The following RBFOX1 variants were observed in gnomAD, a reference collection of about 807,000 sequenced individuals.
RBFOX1 encodes the protein RNA binding protein fox-1 homolog 1.
RBFOX1 carries 8 observed loss-of-function variants against 57.7 expected under a neutral mutation model. The observed-to-expected ratio is 0.14, with a 90% CI of 0.08 to 0.25. The LOEUF (loss-of-function observed/expected upper bound fraction) is 0.25, where lower values mean the gene tolerates loss of function less well. RBFOX1 is among the 10% of genes least tolerant of loss of function. The pLI is 1.00. For synonymous variants in RBFOX1, 326 were observed against 222.4 expected, an observed-to-expected ratio of 1.47 and a Z score of -4.15; for missense variants, 611 against 548.5, an observed-to-expected ratio of 1.11 and a Z score of -1.14.
chr16:6,525,390 C>G (rs901011631), intron 2 of RBFOX1, among the ~76,000 whole-genome samples: 2 of 152,076 alleles, frequency 1.3e-5, no homozygotes, highest in African/African-American at 4.8e-5. Flanking sequence ...GTGAGCTGAG[C>G]CATGAAGCAT....
intron 4 of RBFOX1, among the ~76,000 whole-genome samples, chr16:7,196,161 C>G (rs895372503): frequency 6.6e-6 from 1 of 152,070 alleles, no homozygotes; most frequent in African/African-American, 2.4e-5. Context: ...CAGGCTTGGC[C>G]CAATAATTTT....
chr16:6,653,572 A>G (rs1261831268), intron 2 of RBFOX1, among the ~76,000 whole-genome samples: 1 of 152,190 alleles, frequency 6.6e-6, no homozygotes, highest in Non-Finnish European at 1.5e-5. Flanking sequence ...GCAGAAAATC[A>G]TAGGTGTGCA....
chr16:5,277,198 A>G (rs2063162540), intron 1 of RBFOX1, among the ~76,000 whole-genome samples: 1 of 152,150 alleles, frequency 6.6e-6, no homozygotes, highest in African/African-American at 2.4e-5. Context: ...AAATGAAGTA[A>G]CTCAGGAATG....
chr16:5,629,569 G>A (rs1472692425), intron 3 of RBFOX1, among the ~76,000 whole-genome samples: 1 of 152,192 alleles, frequency 6.6e-6, no homozygotes, highest in Non-Finnish European at 1.5e-5. Flanking sequence ...TAATACCTGA[G>A]AAGCTGCTTT....
chr16:6,346,499 G>A (rs1037074908), intron 2 of RBFOX1, among the ~76,000 whole-genome samples: 3 of 142,716 alleles, frequency 2.1e-5, no homozygotes, highest in Non-Finnish European at 4.8e-5. Flanking sequence ...TTCCAACGAG[G>A]CAAGGCTGAT....
chr16:6,674,304 G>A (rs887543541), intron 3 of RBFOX1, among the ~76,000 whole-genome samples: 5 of 151,872 alleles, frequency 3.3e-5, no homozygotes, highest in Admixed American at 2.6e-4. Context: ...CAATGACTGG[G>A]TTCTTTATTT....
chr16:5,346,609 G>A (rs970352384), intron 1 of RBFOX1, among the ~76,000 whole-genome samples: 6 of 152,204 alleles, frequency 3.9e-5, no homozygotes, highest in Non-Finnish European at 4.4e-5. Flanking sequence ...CTGTATGCAC[G>A]TCTTGTCTTA....
intron 1 of RBFOX1, among the ~76,000 whole-genome samples, chr16:6,287,039 A>G (rs184712531): frequency 6.6e-5 from 10 of 152,236 alleles, no homozygotes; most frequent in Non-Finnish European, 1.3e-4. Flanking sequence ...AGATCTACAG[A>G]TTTTGAGTTG....
intron 2 of RBFOX1, among the ~76,000 whole-genome samples, chr16:6,501,895 C>G (rs1049094283): frequency 6.6e-6 from 1 of 152,194 alleles, no homozygotes; most frequent in African/African-American, 2.4e-5. Flanking sequence ...TTCATAGATT[C>G]ATGAAATCCT....
intron 3 of RBFOX1, among the ~76,000 whole-genome samples, chr16:6,836,558 C>A (rs753352093): frequency 5.3e-5 from 8 of 152,126 alleles, no homozygotes; most frequent in Non-Finnish European, 7.4e-5. Context: ...CAAATGGGAA[C>A]CTTTTGTGCC....
At chr16:6,720,454 T>A (rs80342012) in intron 3 of RBFOX1, among the ~76,000 whole-genome samples, 13,106 of 152,128 alleles carry the variant, frequency 0.086, 798 homozygotes, top group East Asian at 0.27. Context: ...CTTTATAGCA[T>A]TGCAAGAATG....
chr16:7,251,833 T>C (rs2094509611), intron 4 of RBFOX1, among the ~76,000 whole-genome samples: 1 of 152,202 alleles, frequency 6.6e-6, no homozygotes. Context: ...TGATTTCGTT[T>C]CCTTTGGATA....
intron 4 of RBFOX1, among the ~76,000 whole-genome samples, chr16:7,247,363 A>G (rs1231330031): frequency 1.3e-5 from 2 of 152,178 alleles, no homozygotes; most frequent in Admixed American, 6.5e-5. Flanking sequence ...CGGGTAGGAA[A>G]GTACACTCTG....
In RBFOX1 at chr16:6,866,497, C is replaced by CT. The variant is rs199784403; in HGVS notation, c.-15-185553dup. 3.1e-3 allele frequency among the ~76,000 whole-genome samples: 398 copies of CT among 129,116 alleles called. 1 individual carries two copies. The highest frequency in any genetic ancestry group is 0.013 in the East Asian group (52 of 4,160). 84.7% of individuals were successfully genotyped at this position (129,116 alleles called of 152,430 possible). A position where few individuals can be genotyped will look rare whatever the true frequency, so the allele number is the denominator to read the frequency against. On this transcript the variant is annotated intron_variant, in intron 3 of 15. Coordinates refer to ENST00000550418, the MANE Select transcript of RBFOX1 (RefSeq NM_018723.4). Reference sequence around the variant, plus strand: ...TGCAAAAAGTGTGTTTCACAAAGGACTTTTTTTAAAAAAAAAAATAAGGTT... The same window carrying CT: ...TGCAAAAAGTGTGTTTCACAAAGGACTTTTTTTTAAAAAAAAAAATAAGGTT...
intron 4 of RBFOX1, among the ~76,000 whole-genome samples, chr16:7,169,439 C>T (rs1265630742): frequency 2.0e-5 from 3 of 152,160 alleles, no homozygotes; most frequent in Admixed American, 6.5e-5. Context: ...AATCCCTGAC[C>T]TAGGGTATCT....
chr16:7,537,552 T>C (rs1601249879), intron 5 of RBFOX1, among the ~76,000 whole-genome samples: 2 of 152,326 alleles, frequency 1.3e-5, no homozygotes, highest in East Asian at 3.9e-4. Flanking sequence ...CACCTTCTTC[T>C]AAGGGGCTGG....
chr16:7,021,513 ATT>A (rs1253678634), intron 3 of RBFOX1, among the ~76,000 whole-genome samples: 1 of 145,472 alleles, frequency 6.9e-6, no homozygotes, highest in East Asian at 2.0e-4. Context: ...TAAATATTAT[ATT>A]TTATAAAATT....
intron 4 of RBFOX1, among the ~76,000 whole-genome samples, chr16:7,448,422 G>T (rs1289425471): frequency 1.3e-5 from 2 of 152,198 alleles, no homozygotes; most frequent in Non-Finnish European, 2.9e-5. Context: ...CAAAGGAGGT[G>T]CAAAGACACG....
At chr16:6,894,718 G>T (rs1311826953) in intron 3 of RBFOX1, among the ~76,000 whole-genome samples, 1 of 152,114 alleles carries the variant, frequency 6.6e-6, no homozygotes, top group Non-Finnish European at 1.5e-5. Context: ...TTAAAATTTT[G>T]TAAAAAGGTT....
Sources: gnomAD v4.1 joint callset for allele counts (sites outside exome capture counted in the v4.1 genomes callset) on GRCh38, gnomAD v4.1.1 for gene constraint, MANE v1.5 for transcripts, NCBI Gene and HGNC (gene_info 2026-07-23, HGNC 2026-07-21) for gene names.